The following BTBD16 variants were observed in gnomAD, a reference collection of about 807,000 sequenced individuals.
The protein encoded by BTBD16 is BTB/POZ domain-containing protein 16.
Under a neutral mutation model 67.4 loss-of-function variants are expected in BTBD16, and 66 were observed. The observed-to-expected ratio is 0.98, with a 90% confidence interval of 0.80 to 1.20. The LOEUF (loss-of-function observed/expected upper bound fraction) is 1.20. Ranked by LOEUF, BTBD16 falls within the 50% of genes most tolerant of loss-of-function variation. The pLI is 0.00. For missense variants in BTBD16, 634 were observed against 616.0 expected (o/e 1.03, Z -0.31); for synonymous variants, 242 against 236.4 (o/e 1.02, Z -0.22).
At chr10:122,280,109 G>GT (rs2142048695) in intron 3 of BTBD16, among the ~76,000 whole-genome samples, 1 of 152,304 alleles carries the variant, frequency 6.6e-6, no homozygotes, top group Admixed American at 6.5e-5. Context: ...AGAGGAGGCT[G>GT]AGAGGAGGAA....
At position 122,282,206 on chromosome 10, in the gene BTBD16, G is replaced by A. The variant is rs552913635; in HGVS notation, c.168-1645G>A. Among the ~76,000 whole-genome samples, 3 of 152,338 alleles carry A rather than the reference G, an allele frequency of 2.0e-5. No individual in the cohort carries two copies. The South Asian group carries it at 6.2e-4, about 32-fold the overall frequency. On this transcript the variant is annotated intron_variant, in intron 3 of 15. Transcript: ENST00000260723. Reference sequence around the variant, plus strand: ...CCTTGCGCCATATTTTCCAAAGTCTGTGGCTCCATTTTGGGATCACGGTCT... The same window carrying A: ...CCTTGCGCCATATTTTCCAAAGTCTATGGCTCCATTTTGGGATCACGGTCT...
intron 7 of BTBD16, among the ~76,000 whole-genome samples, chr10:122,292,273 C>T (rs1488904566): frequency 6.6e-6 from 1 of 152,242 alleles, no homozygotes; most frequent in African/African-American, 2.4e-5. Flanking sequence ...GGGATGTCAG[C>T]ACATAGGGCT....
At chr10:122,317,113 G>GTA (rs1292127237) in intron 10 of BTBD16, among the ~76,000 whole-genome samples, 1 of 152,086 alleles carries the variant, frequency 6.6e-6, no homozygotes, top group Non-Finnish European at 1.5e-5. Context: ...TAAACGCTGT[G>GTA]TACTTAGGCT....
At chr10:122,274,449 G>A (rs1214328978) in intron 1 of BTBD16, among the ~76,000 whole-genome samples, 1 of 152,160 alleles carries the variant, frequency 6.6e-6, no homozygotes, top group Non-Finnish European at 1.5e-5. Context: ...TTCCTTTTGA[G>A]TCTATGAGAC....
intron 3 of BTBD16, among the ~76,000 whole-genome samples, chr10:122,283,014 G>C (rs2096356180): frequency 6.6e-6 from 1 of 152,224 alleles, no homozygotes; most frequent in African/African-American, 2.4e-5. Context: ...AGAAGGGCTG[G>C]AGTGGGGACC....
intron 7 of BTBD16, among the ~76,000 whole-genome samples, chr10:122,296,291 A>G (rs2096382968): frequency 6.6e-6 from 1 of 152,184 alleles, no homozygotes; most frequent in Non-Finnish European, 1.5e-5. Context: ...GGTTTTGGCA[A>G]AAGCGGCACA....
rs767101657 is a variant in BTBD16, at chr10:122,307,282, T to C, written c.885T>C (p.Tyr295=). The change falls in exon 10 of 16, where the codon TAT becomes TAC. Residue 295 remains tyrosine, a synonymous_variant. Transcript: ENST00000260723. ...LNYKIQAIPT[Y]ETVMTFFKSF... ...ACAAGATTCAGGCAATTCCGACTTA[T>C]GAAACCGTGATGACATTTTTTAAGA... is the stretch of plus-strand genomic sequence containing the variant. The C allele has an allele frequency of 5.0e-6, 8 of 1,606,962 alleles. No individual in the cohort carries two copies. Among genetic ancestry groups the C allele is most frequent in the South Asian group, 1.1e-5 (1 of 88,676 alleles).
At chr10:122,326,294 C>T (rs2096444594) in intron 10 of BTBD16, among the ~76,000 whole-genome samples, 2 of 152,178 alleles carry the variant, frequency 1.3e-5, no homozygotes, top group African/African-American at 4.8e-5. Context: ...ATCTCCAGAA[C>T]TTTTCCATCT....
intron 11 of BTBD16, among the ~76,000 whole-genome samples, 167 bp downstream of exon 11, chr10:122,329,738 G>A (rs901420471): frequency 1.3e-5 from 2 of 152,170 alleles, no homozygotes; most frequent in Non-Finnish European, 2.9e-5. Context: ...GTAGCCTCTT[G>A]GTCTTACTTT....
chr10:122,274,143 TCTC>T (rs1194690064), intron 1 of BTBD16, among the ~76,000 whole-genome samples: 3 of 152,272 alleles, frequency 2.0e-5, no homozygotes, highest in East Asian at 1.9e-4. Context: ...CTCACCCACT[TCTC>T]CTCTTCTCTG....
At chr10:122,291,511 G>C (rs1193625934) in intron 7 of BTBD16, 2 of 225,206 alleles carry the variant, frequency 8.9e-6, no homozygotes, top group South Asian at 1.8e-4. Context: ...CCCAAACCAG[G>C]CTTGCTTATC....
chr10:122,305,003 C>A (rs2096401112), intron 9 of BTBD16, among the ~76,000 whole-genome samples: 3 of 152,208 alleles, frequency 2.0e-5, no homozygotes, highest in Non-Finnish European at 1.5e-5. Context: ...AGGCACTGTA[C>A]TAAGCACTTT....
intron 7 of BTBD16, among the ~76,000 whole-genome samples, chr10:122,292,739 C>T (rs1043066398): frequency 6.6e-6 from 1 of 152,196 alleles, no homozygotes; most frequent in Non-Finnish European, 1.5e-5. Context: ...TCCCTGCCCT[C>T]TAAAGTCTCC....
Position 122,291,214 on chromosome 10 carries a change from T to C in BTBD16, c.590+20T>C. 1.2e-6 allele frequency: 2 copies of C among 1,604,320 alleles called. No individual in the cohort carries two copies. The highest frequency in any genetic ancestry group is 2.2e-5 in the South Asian group (2 of 89,350). Reference sequence around the variant, plus strand: ...TCAAAGGTAAGGAAACAAGGCTGACTTTGGGCAGGGCCGGGCCTGGGGGAA... The same window carrying C: ...TCAAAGGTAAGGAAACAAGGCTGACCTTGGGCAGGGCCGGGCCTGGGGGAA... On this transcript the variant is annotated intron_variant, in intron 7 of 15. Coordinates refer to ENST00000260723, the MANE Select transcript of BTBD16 (RefSeq NM_144587.5).
chr10:122,337,253 C>A (rs1165079579), intron 15 of BTBD16, among the ~76,000 whole-genome samples: 1 of 152,154 alleles, frequency 6.6e-6, no homozygotes, highest in East Asian at 1.9e-4. Context: ...AGGCCAGAGC[C>A]CCACCCAGAT....
At chr10:122,290,924 G>A (rs11200535) in intron 6 of BTBD16, 156 bp from the exon 7 acceptor site, 22,017 of 729,640 alleles carry the variant, frequency 0.03, 678 homozygotes, top group East Asian at 0.24. Context: ...AGCACAGATC[G>A]TCAGCTTCTG....
Position 122,307,297 on chromosome 10 carries a change from A to G in BTBD16, c.900A>G (p.Thr300=). Residue 300 remains threonine, a synonymous_variant, in exon 10 of 16, where the codon ACA becomes ACG. Coordinates refer to ENST00000260723, the MANE Select transcript of BTBD16 (RefSeq NM_144587.5). ...TTCCGACTTATGAAACCGTGATGAC[A>G]TTTTTTAAGAGGTAATATAACTTAG... The part of the protein sequence containing the change: ...QAIPTYETVM[T]FFKSFPENCC... 1 of 1,605,070 alleles carries G rather than the reference A, an allele frequency of 6.2e-7. No individual in the cohort carries two copies. The highest frequency in any genetic ancestry group is 2.2e-5 in the East Asian group (1 of 44,536).
chr10:122,332,340 A>AC (rs1554894231), intron 12 of BTBD16, 96 bp from the exon 13 acceptor site: 4 of 1,073,672 alleles, frequency 3.7e-6, no homozygotes, highest in Non-Finnish European at 5.5e-6. Context: ...AAACCTGGTG[A>AC]GGGGGGCAGG....
chr10:122,284,553 C>T (rs187907071), intron 4 of BTBD16, among the ~76,000 whole-genome samples: 263 of 152,144 alleles, frequency 1.7e-3, no homozygotes, highest in African/African-American at 6.0e-3. Context: ...ATGACTTGGA[C>T]GTTCACAGCT....
Sources: gnomAD v4.1 joint callset for allele counts (sites outside exome capture counted in the v4.1 genomes callset) on GRCh38, gnomAD v4.1.1 for gene constraint, MANE v1.5 for transcripts, NCBI Gene and HGNC (gene_info 2026-07-23, HGNC 2026-07-21) for gene names.